Variants in DNAH14 observed in about 807,000 individuals in gnomAD.
DNAH14 encodes the protein axonemal beta dynein heavy chain 14.
In DNAH14, 478 loss-of-function variants were observed where a neutral mutation model predicts 520.9. The ratio of observed to expected loss-of-function variants is 0.92; its 90% confidence interval spans 0.85 to 0.99. The LOEUF (loss-of-function observed/expected upper bound fraction) is 0.99, where lower values mean the gene tolerates loss of function less well. Among genes scored for constraint, DNAH14 ranks in the 50% least tolerant of loss-of-function variants. DNAH14 has a pLI of 0.00. For synonymous variants in DNAH14, 1,581 were observed against 1,757.2 expected, an observed-to-expected ratio of 0.90 and a Z score of 2.51; for missense variants, 4,831 against 5,234.5, an observed-to-expected ratio of 0.92 and a Z score of 2.38.
intron 23 of DNAH14, among the ~76,000 whole-genome samples, 182 bp from the exon 24 acceptor site, chr1:225,117,502 C>CT (rs1465239617): frequency 9.2e-5 from 14 of 151,540 alleles, no homozygotes; most frequent in Admixed American, 6.6e-4. Flanking sequence ...CTTTATTAAA[C>CT]TTTTTTTTAG....
chr1:225,347,060 C>G (rs2095296403), intron 71 of DNAH14, among the ~76,000 whole-genome samples: 1 of 152,142 alleles, frequency 6.6e-6, no homozygotes, highest in African/African-American at 2.4e-5. Flanking sequence ...ATTGAATCTT[C>G]TAAATGTTTC....
intron 11 of DNAH14, among the ~76,000 whole-genome samples, chr1:225,030,313 TA>T (rs761452077): frequency 3.3e-5 from 5 of 151,952 alleles, no homozygotes; most frequent in Non-Finnish European, 7.4e-5. Context: ...GTTCTACAAA[TA>T]TTTTATCCCA....
At chr1:224,957,364 A>G (rs1242963779) in intron 3 of DNAH14, among the ~76,000 whole-genome samples, 1 of 152,102 alleles carries the variant, frequency 6.6e-6, no homozygotes, top group Admixed American at 6.6e-5. Context: ...CATGCCAGTG[A>G]TGTCTAGGAG....
At chr1:224,973,103 G>A (rs16858965) in intron 7 of DNAH14, among the ~76,000 whole-genome samples, 6,593 of 152,192 alleles carry the variant, frequency 0.043, 414 homozygotes, top group African/African-American at 0.14. Flanking sequence ...CTTTGGAGCC[G>A]GATTTAAGGT....
chr1:225,373,325 C>A (rs114840555), intron 77 of DNAH14, among the ~76,000 whole-genome samples: 11,597 of 152,174 alleles, frequency 0.076, 557 homozygotes, highest in South Asian at 0.12. Context: ...CCTGTCCGAG[C>A]GTGGTGGTGC....
chr1:225,178,374 A>G lies in DNAH14; in HGVS notation c.5536-6917A>G, dbSNP rs2083565052. Reference sequence around the variant, plus strand: ...TCAGCAAGAGCAAAATGAGGAGGCAAAAGCAGAAACCTCTGATAAACCCAT... The same window carrying G: ...TCAGCAAGAGCAAAATGAGGAGGCAGAAGCAGAAACCTCTGATAAACCCAT... On this transcript the variant is annotated intron_variant, in intron 36 of 85. Transcript: ENST00000682510. Among the ~76,000 whole-genome samples the G allele has an allele frequency of 3.9e-5, 6 of 152,284 alleles. No homozygotes were observed. The South Asian group carries it at 1.2e-3, about 32-fold the overall frequency.
intron 11 of DNAH14, among the ~76,000 whole-genome samples, chr1:225,026,305 C>A: frequency 6.6e-6 from 1 of 150,928 alleles, no homozygotes; most frequent in East Asian, 1.9e-4. Flanking sequence ...ATTGATTGTG[C>A]TTTAAGTGTA....
Position 225,043,925 on chromosome 1 carries a change from C to A in DNAH14, c.1854C>A (p.Asn618Lys). ...EFPTNLFIDP[N>K]RLEFSVKIQN... ...CTACAAATCTCTTTATAGATCCCAACAGATTGGAGTTTTCAGTAAAAATTC... is the reference window on the plus strand; with the variant it reads ...CTACAAATCTCTTTATAGATCCCAAAAGATTGGAGTTTTCAGTAAAAATTC... The change falls in exon 15 of 86, where the codon AAC (asparagine) becomes AAA (lysine). Residue 618 changes from asparagine (N) to lysine (K), a missense_variant. Coordinates refer to ENST00000682510, the MANE Select transcript of DNAH14 (RefSeq NM_001367479.1). The A allele has an allele frequency of 6.6e-7, 1 of 1,526,614 alleles. No individual in the cohort carries two copies. The highest frequency in any genetic ancestry group is 8.9e-7 in the Non-Finnish European group (1 of 1,129,724). 94.6% of individuals were successfully genotyped at this position (1,526,614 alleles called of 1,614,324 possible). A position where few individuals can be genotyped will look rare whatever the true frequency, so the allele number is the denominator to read the frequency against.
chr1:225,168,609 GC>G (rs2082282092), intron 36 of DNAH14, among the ~76,000 whole-genome samples: 1 of 152,188 alleles, frequency 6.6e-6, no homozygotes, highest in Non-Finnish European at 1.5e-5. Context: ...GAGGAGGGGC[GC>G]CTGCTATTGC....
chr1:225,169,240 TCTC>T (rs1312519396), intron 36 of DNAH14, among the ~76,000 whole-genome samples: 6 of 152,012 alleles, frequency 3.9e-5, no homozygotes, highest in Non-Finnish European at 8.8e-5. Flanking sequence ...TCAGAGAGCC[TCTC>T]CTCCTCCAAA....
intron 83 of DNAH14, among the ~76,000 whole-genome samples, chr1:225,391,141 C>T (rs968926598): frequency 2.6e-5 from 4 of 152,288 alleles, no homozygotes; most frequent in East Asian, 3.9e-4. Flanking sequence ...AAGTTGGGCA[C>T]GGCTGGCCCC....
intron 36 of DNAH14, among the ~76,000 whole-genome samples, chr1:225,177,137 G>C (rs1445540032): frequency 6.6e-6 from 1 of 152,194 alleles, no homozygotes; most frequent in Admixed American, 6.5e-5. Context: ...TGAGGAACTT[G>C]TTGGGAACTG....
At chr1:225,230,246 A>C (rs911995465) in intron 41 of DNAH14, among the ~76,000 whole-genome samples, 2 of 152,198 alleles carry the variant, frequency 1.3e-5, no homozygotes, top group Admixed American at 6.5e-5. Context: ...ATTATGATGC[A>C]ACAAAATCAT....
intron 21 of DNAH14, among the ~76,000 whole-genome samples, chr1:225,092,269 A>G (rs1402160457): frequency 6.6e-6 from 1 of 151,824 alleles, no homozygotes; most frequent in Non-Finnish European, 1.5e-5. Context: ...GAATCTTCTC[A>G]TATGAACATG....
intron 1 of DNAH14, among the ~76,000 whole-genome samples, chr1:224,940,688 C>T (rs968292053): frequency 2.0e-5 from 3 of 146,546 alleles, no homozygotes; most frequent in African/African-American, 7.5e-5. Context: ...CACCCCACAA[C>T]AGGCCCCGGT....
chr1:225,240,565 T>A, intron 42 of DNAH14, 28 bp from the exon 43 acceptor site: 1 of 1,346,928 alleles, frequency 7.4e-7, no homozygotes, highest in Non-Finnish European at 1.0e-6. Context: ...AATGTTAACC[T>A]TCATCCTTCC....
intron 48 of DNAH14, among the ~76,000 whole-genome samples, chr1:225,265,860 T>C (rs777528880): frequency 7.9e-5 from 12 of 151,890 alleles, no homozygotes; most frequent in Non-Finnish European, 1.3e-4. Flanking sequence ...CAATAGAAAA[T>C]GCAAGCAAGA....
intron 23 of DNAH14, among the ~76,000 whole-genome samples, chr1:225,112,068 A>G (rs2076526540): frequency 6.6e-6 from 1 of 152,106 alleles, no homozygotes; most frequent in Non-Finnish European, 1.5e-5. Context: ...AGATATGAGT[A>G]GTTTACACAC....
intron 42 of DNAH14, among the ~76,000 whole-genome samples, chr1:225,234,976 T>C (rs1274049546): frequency 6.6e-6 from 1 of 152,186 alleles, no homozygotes; most frequent in Non-Finnish European, 1.5e-5. Context: ...AGATATAGGA[T>C]CATGTCATCT....
Sources: allele counts gnomAD v4.1 joint callset (sites outside exome capture counted in the v4.1 genomes callset), GRCh38; gene constraint gnomAD v4.1.1; transcripts MANE v1.5; gene names NCBI Gene and HGNC (gene_info 2026-07-23, HGNC 2026-07-21).